Variants in SLC3A2 observed in about 807,000 individuals in gnomAD.
SLC3A2 encodes amino acid transporter heavy chain SLC3A2.
SLC3A2 carries 32 observed loss-of-function variants against 48.5 expected under a neutral mutation model. The observed-to-expected ratio is 0.66, with a 90% CI of 0.50 to 0.89. The LOEUF is 0.89. SLC3A2 is among the 40% of genes least tolerant of loss of function. The pLI is 0.00. For missense variants in SLC3A2, 587 were observed against 680.7 expected (o/e 0.86, Z 1.53); for synonymous variants, 277 against 288.8 (o/e 0.96, Z 0.41).
chr11:62,887,887 G>A, intron 7 of SLC3A2: 1 of 383,224 alleles, frequency 2.6e-6, no homozygotes, highest in Non-Finnish European at 4.9e-6. Context: ...CAAACTCCTG[G>A]GTTCAAGTGA....
intron 1 of SLC3A2, among the ~76,000 whole-genome samples, chr11:62,868,582 G>A (rs1222992173): frequency 6.6e-6 from 1 of 151,522 alleles, no homozygotes; most frequent in Non-Finnish European, 1.5e-5. Flanking sequence ...AGCCAGGATG[G>A]TGTTGATCTC....
intron 7 of SLC3A2, among the ~76,000 whole-genome samples, chr11:62,887,131 C>T (rs1333418387): frequency 6.6e-6 from 1 of 152,090 alleles, no homozygotes; most frequent in East Asian, 1.9e-4. Flanking sequence ...CAGCATTGCA[C>T]AAGAGAGCTG....
chr11:62,864,016 A>G (rs970267523), intron 1 of SLC3A2, among the ~76,000 whole-genome samples: 3 of 152,142 alleles, frequency 2.0e-5, no homozygotes. Flanking sequence ...TTTCCTGCTC[A>G]GAGTTTGAGT....
intron 1 of SLC3A2, among the ~76,000 whole-genome samples, chr11:62,872,431 C>A (rs1170291185): frequency 2.0e-5 from 3 of 152,232 alleles, no homozygotes; most frequent in African/African-American, 7.2e-5. Context: ...GGGAGGATTG[C>A]TTAAGCTGAG....
At chr11:62,863,497 C>A (rs1167502100) in intron 1 of SLC3A2, among the ~76,000 whole-genome samples, 1 of 152,200 alleles carries the variant, frequency 6.6e-6, no homozygotes, top group Non-Finnish European at 1.5e-5. Context: ...GCCACTATAC[C>A]TGGCCCAACA....
In SLC3A2 at chr11:62,885,613, T is replaced by A. The variant is rs200419697; in HGVS notation, c.1143+5T>A. On this transcript the variant is annotated splice_donor_5th_base_variant and intron_variant, in intron 7 of 8. Coordinates refer to ENST00000338663, the MANE Select transcript of SLC3A2 (RefSeq NM_001013251.3). ...GCAGCTGCCCTTCCTGGACAGGTAC[T>A]GCTTGCTGTCTTTCTGTCACAGGGA... 1 of 1,613,990 alleles carries A rather than the reference T, an allele frequency of 6.2e-7. No homozygotes were observed. The highest frequency in any genetic ancestry group is 2.2e-5 in the East Asian group (1 of 44,888).
intron 1 of SLC3A2, among the ~76,000 whole-genome samples, chr11:62,859,827 G>T (rs528297793): frequency 6.6e-6 from 1 of 152,190 alleles, no homozygotes; most frequent in Admixed American, 6.6e-5. Context: ...AGCGGCTCAC[G>T]CCTGTAATCC....
chr11:62,876,742 C>A, upstream of SLC3A2: 1 of 227,058 alleles, frequency 4.4e-6, no homozygotes, highest in Non-Finnish European at 9.3e-6. Flanking sequence ...GCTGAAATTA[C>A]AGGCACGCAC....
At chr11:62,869,666 A>G (rs1180360156) in intron 1 of SLC3A2, among the ~76,000 whole-genome samples, 1 of 150,986 alleles carries the variant, frequency 6.6e-6, no homozygotes, top group Non-Finnish European at 1.5e-5. Flanking sequence ...TTCAGATAGT[A>G]TGTCTTCTAT....
At chr11:62,885,043 C>A in intron 5 of SLC3A2, 134 bp from the exon 6 acceptor site, 1 of 920,456 alleles carries the variant, frequency 1.1e-6, no homozygotes, top group Non-Finnish European at 1.6e-6. Context: ...GTTGGTCAAG[C>A]CAGTCTCGAA....
At chr11:62,857,206 C>T (rs1431699147) in intron 1 of SLC3A2, among the ~76,000 whole-genome samples, 2 of 152,218 alleles carry the variant, frequency 1.3e-5, no homozygotes, top group East Asian at 3.9e-4. Flanking sequence ...ACTGCAACCT[C>T]CGCTTCCCAG....
At chr11:62,879,754 C>A (rs924651282), upstream of SLC3A2, among the ~76,000 whole-genome samples, 8 of 152,218 alleles carry the variant, frequency 5.3e-5, no homozygotes, top group Admixed American at 2.0e-4. Flanking sequence ...TGAAAGTAGC[C>A]CAACTGGCAC....
intron 2 of SLC3A2, 113 bp from the exon 3 acceptor site, chr11:62,882,795 G>A (rs1030301111): frequency 1.1e-6 from 1 of 914,442 alleles, no homozygotes; most frequent in African/African-American, 1.6e-5. Context: ...TCAAATTCAA[G>A]CTTTTGTACC....
At chr11:62,872,963 C>A (rs879229314) in intron 1 of SLC3A2, among the ~76,000 whole-genome samples, 1 of 152,132 alleles carries the variant, frequency 6.6e-6, no homozygotes, top group Admixed American at 6.6e-5. Flanking sequence ...TTACAGCATA[C>A]CATACTCTAA....
rs762086693 is a variant in SLC3A2 at position 62,884,569 on chromosome 11, A to AG, written c.759+45dup. ...TTAGGGACAAAGCTTGGGCGAGAAC[A>AG]GAGGGACTCAGCTAGAGCCTCATAA... On this transcript the variant is annotated intron_variant, in intron 4 of 8. Transcript: ENST00000338663. 9 of 1,613,952 alleles carry AG rather than the reference A, an allele frequency of 5.6e-6. No individual in the cohort carries two copies. In the Admixed American group the frequency reaches 1.3e-4, roughly 24 times the overall value.
chr11:62,882,139 G>T, intron 2 of SLC3A2, 73 bp downstream of exon 2: 1 of 1,564,142 alleles, frequency 6.4e-7, no homozygotes, highest in East Asian at 2.2e-5. Flanking sequence ...TAGAACTTTT[G>T]TCTGGTTTCC....
chr11:62,867,577 G>A (rs1334731115), intron 1 of SLC3A2, among the ~76,000 whole-genome samples: 8 of 151,656 alleles, frequency 5.3e-5, no homozygotes, highest in Non-Finnish European at 1.0e-4. Flanking sequence ...GCCTATCTCT[G>A]CCTCCCAAAC....
intron 1 of SLC3A2, among the ~76,000 whole-genome samples, chr11:62,861,699 T>G (rs1240852941): frequency 6.6e-6 from 1 of 151,960 alleles, no homozygotes; most frequent in African/African-American, 2.4e-5. Context: ...GTGGATCACT[T>G]GAGGTTGGGA....
chr11:62,886,065 G>A (rs1418077098), intron 7 of SLC3A2, among the ~76,000 whole-genome samples: 1 of 152,152 alleles, frequency 6.6e-6, no homozygotes, highest in East Asian at 1.9e-4. Context: ...CAAGGTGGGT[G>A]GATCACTGGA....
Sources: allele counts gnomAD v4.1 joint callset (sites outside exome capture counted in the v4.1 genomes callset), GRCh38; gene constraint gnomAD v4.1.1; transcripts MANE v1.5; gene names NCBI Gene and HGNC (gene_info 2026-07-23, HGNC 2026-07-21).